Variants in SPACA6 observed in about 807,000 individuals in gnomAD.
SPACA6 encodes the protein sperm acrosome membrane-associated protein 6.
For synonymous variants in SPACA6, 6 were observed against 1.5 expected (o/e 4.05, Z -2.21); for missense variants, 8 against 2.8 (o/e 2.88, Z -1.34).
At chr19:51,697,178 CTT>C (rs975920601) in intron 2 of SPACA6, among the ~76,000 whole-genome samples, 7 of 152,294 alleles carry the variant, frequency 4.6e-5, no homozygotes, top group African/African-American at 1.4e-4. Context: ...CTTGGAATGA[CTT>C]TTGTTTTTTG....
chr19:51,709,660 G>A (rs2083533342), downstream of SPACA6, among the ~76,000 whole-genome samples: 6 of 151,842 alleles, frequency 4.0e-5, no homozygotes, highest in Admixed American at 3.9e-4. Flanking sequence ...AGCGTCACGG[G>A]TGGCTTTTGA....
At chr19:51,694,985 G>A (rs569047381) in intron 2 of SPACA6, among the ~76,000 whole-genome samples, 1 of 152,220 alleles carries the variant, frequency 6.6e-6, no homozygotes, top group South Asian at 2.1e-4. Flanking sequence ...GCTGCCTGAT[G>A]AGCCTGATCT....
chr19:51,703,460 A>C lies in SPACA6; in HGVS notation c.573+123A>C. ...CTCCGTCTAGACACAAGCATCAGCA[A>C]GAGGAGGGTCGCGGGATTTAGGGGA... On this transcript the variant is annotated intron_variant, in intron 6 of 8. Coordinates refer to ENST00000637797, the MANE Select transcript of SPACA6 (RefSeq NM_001316972.2). The surrounding 1 kb of genome is among the most constrained non-coding windows in gnomAD (Gnocchi z 4.2). 2.5e-6 allele frequency: 1 copy of C among 397,242 alleles called. No individual in the cohort carries two copies. The highest frequency in any genetic ancestry group is 4.4e-6 in the Non-Finnish European group (1 of 225,332). The allele number at this position is 397,242 out of a possible 1,614,324, so 24.6% of individuals were successfully genotyped here.
rs369368301 is a variant in SPACA6, at chr19:51,693,381, C to T, written c.-146C>T. 1.4e-6 allele frequency: 1 copy of T among 702,994 alleles called. No homozygotes were observed. The highest frequency in any genetic ancestry group is 2.7e-6 in the Non-Finnish European group (1 of 370,762). 43.5% of individuals were successfully genotyped at this position (702,994 alleles called of 1,614,324 possible). A position where few individuals can be genotyped will look rare whatever the true frequency, so the allele number is the denominator to read the frequency against. On this transcript the variant is annotated 5_prime_UTR_variant, in exon 1 of 9. Coordinates refer to ENST00000637797, the MANE Select transcript of SPACA6 (RefSeq NM_001316972.2). Reference sequence around the variant, plus strand: ...GAATTGCTGGCCTGACTTCTGACCCCTGACTCCTCATACCCTTCCTCCAGA... The same window carrying T: ...GAATTGCTGGCCTGACTTCTGACCCTTGACTCCTCATACCCTTCCTCCAGA...
chr19:51,693,662 G>T lies in SPACA6; in HGVS notation c.136G>T (p.Gly46Trp). 2.4e-6 allele frequency: 1 copy of T among 413,810 alleles called. No homozygotes were observed. The highest frequency in any genetic ancestry group is 4.3e-6 in the Non-Finnish European group (1 of 232,772). 25.6% of individuals were successfully genotyped at this position (413,810 alleles called of 1,614,324 possible). A position where few individuals can be genotyped will look rare whatever the true frequency, so the allele number is the denominator to read the frequency against. The part of the protein sequence containing the change: ...ERLRICQMFV[G>W]MRSPKLEECE... ...CCTCCGCATCTGCCAGATGTTTGTT[G>T]GGATGCGGAGCCCCAAGCTTGAAGA... Residue 46 changes from glycine to tryptophan, a missense_variant, in exon 1 of 9, where the codon GGG becomes TGG. Gly to Trp is a radical substitution (Grantham distance 184, BLOSUM62 -2). Coordinates refer to ENST00000637797, the MANE Select transcript of SPACA6 (RefSeq NM_001316972.2).
intron 2 of SPACA6, among the ~76,000 whole-genome samples, chr19:51,696,314 G>A (rs1020317198): frequency 5.3e-5 from 8 of 152,260 alleles, no homozygotes; most frequent in Admixed American, 4.6e-4. Flanking sequence ...ACCTGTCCTC[G>A]GGTTGCTTAT....
chr19:51,710,173 A>G (rs1313377209), downstream of SPACA6, among the ~76,000 whole-genome samples: 1 of 152,240 alleles, frequency 6.6e-6, no homozygotes, highest in Non-Finnish European at 1.5e-5. Context: ...ACAGCATCAT[A>G]GAGGCCTATG....
intron 2 of SPACA6, among the ~76,000 whole-genome samples, chr19:51,711,828 A>C (rs1008454896): frequency 6.6e-6 from 1 of 152,220 alleles, no homozygotes; most frequent in Non-Finnish European, 1.5e-5. Flanking sequence ...TAGCCAGAAT[A>C]GGTAAATCTA....
At chr19:51,700,334 G>A (rs1193857167) in intron 2 of SPACA6, among the ~76,000 whole-genome samples, 1 of 152,154 alleles carries the variant, frequency 6.6e-6, no homozygotes, top group Non-Finnish European at 1.5e-5. Context: ...AGAGGCTGGG[G>A]ACTATGGAGA....
At chr19:51,708,170 C>T (rs1179070273), downstream of SPACA6, among the ~76,000 whole-genome samples, 1 of 152,134 alleles carries the variant, frequency 6.6e-6, no homozygotes, top group Admixed American at 6.5e-5. Context: ...TCCAGGAGAC[C>T]ACCAAGAGTC....
upstream of SPACA6, among the ~76,000 whole-genome samples, chr19:51,690,882 C>T (rs907609469): frequency 6.6e-6 from 1 of 151,112 alleles, no homozygotes; most frequent in African/African-American, 2.4e-5. Context: ...GGAACCCAGG[C>T]CTGGGCTCCG....
chr19:51,696,129 A>G (rs1406394622), intron 2 of SPACA6, among the ~76,000 whole-genome samples: 2 of 152,148 alleles, frequency 1.3e-5, no homozygotes, highest in Admixed American at 1.3e-4. Context: ...GAGCTGCAGC[A>G]GGAGTGTGAG....
At chr19:51,700,083 A>G (rs1323121747) in intron 2 of SPACA6, among the ~76,000 whole-genome samples, 3 of 152,092 alleles carry the variant, frequency 2.0e-5, no homozygotes, top group African/African-American at 7.2e-5. Context: ...GTGAAACCCC[A>G]TCTCTACTAA....
chr19:51,696,636 A>G (rs931692645), intron 2 of SPACA6, among the ~76,000 whole-genome samples: 4 of 151,646 alleles, frequency 2.6e-5, no homozygotes, highest in Admixed American at 1.3e-4. Flanking sequence ...GTTTGTAATG[A>G]TGGTGTCTTG....
At chr19:51,702,993 G>A (rs184758178) in intron 4 of SPACA6, 28 bp from the exon 5 acceptor site, 266 of 399,186 alleles carry the variant, frequency 6.7e-4, no homozygotes, top group African/African-American at 4.9e-3. Flanking sequence ...GGCAGGTGGC[G>A]CCTAGACCCA....
chr19:51,690,726 C>T (rs968201885), upstream of SPACA6, among the ~76,000 whole-genome samples: 2 of 152,184 alleles, frequency 1.3e-5, no homozygotes, highest in African/African-American at 4.8e-5. Context: ...CAAGTCCTGA[C>T]CCTTCTCTCT....
chr19:51,706,552 C>T (rs993853997), downstream of SPACA6, among the ~76,000 whole-genome samples: 7 of 152,304 alleles, frequency 4.6e-5, no homozygotes, highest in South Asian at 1.4e-3. Context: ...ACAAACCCAC[C>T]TCTCTCATTG....
rs555654555 is a variant in SPACA6, at chr19:51,703,691, G to T, written c.574-339G>T. Among the ~76,000 whole-genome samples the T allele has an allele frequency of 6.6e-6, 1 of 152,250 alleles. No individual in the cohort carries two copies. Among genetic ancestry groups the T allele is most frequent in the Non-Finnish European group, 1.5e-5 (1 of 68,012 alleles). On this transcript the variant is annotated intron_variant, in intron 6 of 8. Transcript: ENST00000637797. This position sits in a 1 kb window ranked among gnomAD's most constrained non-coding sequence, Gnocchi z 4.2. ...GTGCACGCCTATAGTCCCAGCCACT[G>T]GGGAGGCTGAGCGGGAAGACTGCTT...
chr19:51,684,930 G>A (rs1002485096), upstream of SPACA6, among the ~76,000 whole-genome samples: 2 of 152,202 alleles, frequency 1.3e-5, no homozygotes, highest in African/African-American at 4.8e-5. Context: ...TGGGTTTGGG[G>A]TTGATCCCCC....
Sources: allele counts gnomAD v4.1 joint callset (sites outside exome capture counted in the v4.1 genomes callset), GRCh38; gene constraint gnomAD v4.1.1; non-coding constraint Gnocchi (gnomAD v3.1); transcripts MANE v1.5; gene names NCBI Gene and HGNC (gene_info 2026-07-23, HGNC 2026-07-21).